The following COL11A1 variants were observed in gnomAD, a reference collection of about 807,000 sequenced individuals.
The protein encoded by COL11A1 is collagen type XI alpha 1 chain.
A neutral mutation model predicts 265.2 loss-of-function variants in COL11A1; 74 were observed. That is an observed-to-expected ratio of 0.28 (90% CI 0.23 to 0.34). COL11A1 has a LOEUF of 0.34. Among genes scored for constraint, COL11A1 ranks in the 10% least tolerant of loss-of-function variants. The probability of loss-of-function intolerance (pLI) is 1.00; values close to 1 mark genes in which losing one functional copy is unlikely to be tolerated. For synonymous variants in COL11A1, 816 were observed against 727.6 expected (o/e 1.12, Z -1.96); for missense variants, 2,165 against 2,263.6 (o/e 0.96, Z 0.88).
chr1:102,880,150 C>A (rs774867017), intron 65 of COL11A1: 20 of 487,030 alleles, frequency 4.1e-5, no homozygotes, highest in Non-Finnish European at 6.3e-5. Context: ...TTTGAAAAAA[C>A]CACTTTATCT....
At chr1:103,088,098 C>T (rs1673021230) in intron 1 of COL11A1, among the ~76,000 whole-genome samples, 1 of 152,148 alleles carries the variant, frequency 6.6e-6, no homozygotes, top group South Asian at 2.1e-4. Flanking sequence ...CTTCACCATC[C>T]ATATAGATTA....
intron 4 of COL11A1, among the ~76,000 whole-genome samples, chr1:103,064,811 G>T (rs371525841): frequency 1.6e-4 from 24 of 150,822 alleles, no homozygotes; most frequent in East Asian, 7.8e-4. Flanking sequence ...ATACATCCTG[G>T]AAAAGTCAAA....
At chr1:103,084,952 A>G (rs552533332) in intron 1 of COL11A1, among the ~76,000 whole-genome samples, 4 of 152,246 alleles carry the variant, frequency 2.6e-5, no homozygotes, top group Non-Finnish European at 5.9e-5. Context: ...ATTGAACTAA[A>G]TGTGAGCTAC....
intron 41 of COL11A1, among the ~76,000 whole-genome samples, chr1:102,957,574 G>T (rs972558642): frequency 1.3e-5 from 2 of 152,114 alleles, no homozygotes; most frequent in South Asian, 4.1e-4. Flanking sequence ...AAATCAACCT[G>T]TATATTAGTT....
chr1:102,982,147 T>C (rs1470008891), intron 31 of COL11A1, among the ~76,000 whole-genome samples: 2 of 151,820 alleles, frequency 1.3e-5, no homozygotes, highest in African/African-American at 4.8e-5. Context: ...AGAAGCAATA[T>C]GAAGAAATAA....
chr1:102,967,263 C>T (rs1337211558), intron 37 of COL11A1, among the ~76,000 whole-genome samples: 4 of 11,620 alleles, frequency 3.4e-4, no homozygotes, highest in South Asian at 9.6e-3. Flanking sequence ...TTTTTTGAGA[C>T]GGAGTCTCGC....
chr1:103,029,593 T>TA (rs1459763050), intron 5 of COL11A1, among the ~76,000 whole-genome samples: 8 of 151,850 alleles, frequency 5.3e-5, no homozygotes, highest in Non-Finnish European at 8.8e-5. Context: ...TTACTCAATC[T>TA]AAAAAAAGGT....
chr1:102,934,627 G>C (rs1376492997), intron 45 of COL11A1, 71 bp from the exon 46 acceptor site: 3 of 1,233,994 alleles, frequency 2.4e-6, no homozygotes, highest in Non-Finnish European at 3.6e-6. Flanking sequence ...AAAAAATGTG[G>C]CCATTTCTAA....
chr1:103,022,400 T>C (rs1325012081), intron 8 of COL11A1, among the ~76,000 whole-genome samples: 1 of 152,026 alleles, frequency 6.6e-6, no homozygotes, highest in Non-Finnish European at 1.5e-5. Flanking sequence ...TGTCATCAAA[T>C]TAAATTTAAA....
intron 4 of COL11A1, among the ~76,000 whole-genome samples, chr1:103,062,463 A>G (rs540465426): frequency 5.9e-5 from 9 of 151,986 alleles, no homozygotes; most frequent in Non-Finnish European, 1.0e-4. Context: ...CAAGGTATAT[A>G]AAATAAGTAA....
chr1:103,055,387 T>C (rs989357352), intron 4 of COL11A1, among the ~76,000 whole-genome samples: 3 of 152,236 alleles, frequency 2.0e-5, no homozygotes, highest in Non-Finnish European at 4.4e-5. Flanking sequence ...TTTACAAAGA[T>C]AGTATTTAGA....
intron 4 of COL11A1, among the ~76,000 whole-genome samples, chr1:103,064,198 T>C (rs1457319035): frequency 1.3e-5 from 2 of 152,132 alleles, no homozygotes; most frequent in East Asian, 1.9e-4. Flanking sequence ...ATCACACTTC[T>C]TGGTATTTAT....
intron 66 of COL11A1, 79 bp downstream of exon 66, chr1:102,879,604 A>C (rs1649972602): frequency 7.8e-7 from 1 of 1,274,100 alleles, no homozygotes; most frequent in African/African-American, 1.5e-5. Context: ...CATGAGAAAA[A>C]TCTGGCTAAG....
At chr1:103,037,142 T>TA (rs1553242540) in intron 4 of COL11A1, among the ~76,000 whole-genome samples, 5,490 of 148,364 alleles carry the variant, frequency 0.037, 121 homozygotes, top group Middle Eastern at 0.1. Context: ...ATATATAATT[T>TA]TATATATATA....
intron 4 of COL11A1, among the ~76,000 whole-genome samples, chr1:103,070,694 T>C (rs985209458): frequency 6.6e-6 from 1 of 151,946 alleles, no homozygotes; most frequent in Non-Finnish European, 1.5e-5. Flanking sequence ...TTGCAGTTTA[T>C]TGTGATTCAA....
chr1:102,899,440 G>T (rs1341343530), intron 54 of COL11A1, among the ~76,000 whole-genome samples: 1 of 151,866 alleles, frequency 6.6e-6, no homozygotes, highest in Non-Finnish European at 1.5e-5. Flanking sequence ...ATTCTTACAG[G>T]ATCACATAAC....
intron 1 of COL11A1, among the ~76,000 whole-genome samples, chr1:103,087,603 A>G (rs1185198177): frequency 1.3e-5 from 2 of 152,154 alleles, no homozygotes; most frequent in African/African-American, 4.8e-5. Context: ...TACTAAACTC[A>G]GTCTTTCCAG....
chr1:103,001,500 T>C (rs1665105761), intron 24 of COL11A1: 2 of 430,934 alleles, frequency 4.6e-6, no homozygotes, highest in East Asian at 6.6e-5. Flanking sequence ...AGAACATCAT[T>C]TGCTATTCAT....
chr1:103,086,696 G>T (rs574135320), intron 1 of COL11A1, among the ~76,000 whole-genome samples: 2 of 152,070 alleles, frequency 1.3e-5, no homozygotes, highest in Non-Finnish European at 2.9e-5. Flanking sequence ...GATTACAGGC[G>T]TGAGCCACCG....
Sources: gnomAD v4.1 joint callset for allele counts (sites outside exome capture counted in the v4.1 genomes callset) on GRCh38, gnomAD v4.1.1 for gene constraint, MANE v1.5 for transcripts, NCBI Gene and HGNC (gene_info 2026-07-23, HGNC 2026-07-21) for gene names.